The following XPO6 variants were observed in gnomAD, a reference collection of about 807,000 sequenced individuals.
XPO6 encodes exportin-6.
A neutral mutation model predicts 130.0 loss-of-function variants in XPO6; 3 were observed. The observed-to-expected ratio is 0.02, with a 90% confidence interval of 0.01 to 0.06. The LOEUF (loss-of-function observed/expected upper bound fraction) is 0.06, where lower values mean the gene tolerates loss of function less well. Among genes scored for constraint, XPO6 ranks in the 10% least tolerant of loss-of-function variants. The pLI is 1.00. For synonymous variants in XPO6, 524 were observed against 548.9 expected, an observed-to-expected ratio of 0.95 and a Z score of 0.63; for missense variants, 970 against 1,393.0, an observed-to-expected ratio of 0.70 and a Z score of 4.83.
intron 6 of XPO6, among the ~76,000 whole-genome samples, chr16:28,159,623 T>C (rs2043239425): frequency 1.3e-5 from 2 of 152,158 alleles, no homozygotes; most frequent in African/African-American, 2.4e-5. Context: ...TCAAATTACA[T>C]AGAGACTCAA....
intron 9 of XPO6, among the ~76,000 whole-genome samples, chr16:28,138,813 T>C (rs928624055): frequency 2.0e-5 from 3 of 152,128 alleles, no homozygotes; most frequent in African/African-American, 7.2e-5. Flanking sequence ...CCAGCATCCA[T>C]CTCTGACCAT....
chr16:28,199,928 G>A (rs567467988), intron 1 of XPO6, among the ~76,000 whole-genome samples: 20 of 152,096 alleles, frequency 1.3e-4, no homozygotes, highest in Middle Eastern at 3.4e-3. Flanking sequence ...AGGCCAAGGC[G>A]GTGGATTACC....
chr16:28,210,227 T>G (rs1341643907), intron 1 of XPO6, among the ~76,000 whole-genome samples: 1 of 152,164 alleles, frequency 6.6e-6, no homozygotes, highest in Non-Finnish European at 1.5e-5. Flanking sequence ...GGTTGTAAGC[T>G]CCATATCTCA....
chr16:28,144,877 T>A (rs1182682907), intron 9 of XPO6, among the ~76,000 whole-genome samples: 3 of 152,168 alleles, frequency 2.0e-5, no homozygotes, highest in Non-Finnish European at 4.4e-5. Context: ...TACCCCTAGG[T>A]AGGAACTACA....
Position 28,106,630 on chromosome 16 carries a change from A to G in XPO6, c.2498-133T>C. The G allele has an allele frequency of 1.5e-6, 1 of 689,506 alleles. No individual in the cohort carries two copies. Among genetic ancestry groups the G allele is most frequent in the Non-Finnish European group, 2.5e-6 (1 of 399,824 alleles). 42.7% of individuals were successfully genotyped at this position (689,506 alleles called of 1,614,324 possible). ...GCTTCCTGCTGGAAACATTTCCCCA[A>G]CACCATCAGGGCCAATGATGGAAAG... On this transcript the variant is annotated intron_variant, in intron 18 of 23. Coordinates refer to ENST00000304658, the MANE Select transcript of XPO6 (RefSeq NM_015171.4). This position sits in a 1 kb window ranked among gnomAD's most constrained non-coding sequence, Gnocchi z 4.2.
chr16:28,115,572 A>G (rs1232014181), intron 15 of XPO6, among the ~76,000 whole-genome samples: 1 of 152,254 alleles, frequency 6.6e-6, no homozygotes, highest in Non-Finnish European at 1.5e-5. Context: ...AGAGACAGGC[A>G]AAGTAGATTC....
At chr16:28,162,088 A>G (rs11074891) in intron 6 of XPO6, among the ~76,000 whole-genome samples, 63,995 of 152,100 alleles carry the variant, frequency 0.42, 15,670 homozygotes, top group African/African-American at 0.69. Context: ...ATGCAAAGGC[A>G]AAAACTGTTT....
intron 18 of XPO6, 142 bp downstream of exon 18, chr16:28,107,380 C>T: frequency 9.9e-7 from 1 of 1,010,290 alleles, no homozygotes. Flanking sequence ...CATCACTGCC[C>T]TTTCCCCTCA....
At chr16:28,165,550 T>A (rs566211297) in intron 6 of XPO6, 3 of 152,336 alleles carry the variant, frequency 2.0e-5, no homozygotes, top group Admixed American at 6.5e-5. Flanking sequence ...TAATAATTAG[T>A]GCACTATGAG....
chr16:28,104,181 G>A (rs1225390028), intron 21 of XPO6, among the ~76,000 whole-genome samples: 2 of 152,174 alleles, frequency 1.3e-5, no homozygotes, highest in East Asian at 1.9e-4. Flanking sequence ...GCCCTCCTGC[G>A]GAGACTCATA....
At chr16:28,147,963 G>T (rs898939046) in intron 8 of XPO6, among the ~76,000 whole-genome samples, 11 of 152,156 alleles carry the variant, frequency 7.2e-5, no homozygotes, top group Admixed American at 6.5e-4. Context: ...AAGAAGAAAT[G>T]ATATGAGTAG....
intron 6 of XPO6, among the ~76,000 whole-genome samples, chr16:28,165,045 C>T (rs540980476): frequency 1.5e-3 from 221 of 152,092 alleles, no homozygotes; most frequent in Non-Finnish European, 2.5e-3. Context: ...GGCGAAACCC[C>T]GTCTCTACAA....
chr16:28,193,490 A>G (rs1256338911), intron 1 of XPO6, among the ~76,000 whole-genome samples: 1 of 152,114 alleles, frequency 6.6e-6, no homozygotes, highest in African/African-American at 2.4e-5. Context: ...AATAAACTAA[A>G]ACTTGTACAA....
intron 1 of XPO6, among the ~76,000 whole-genome samples, chr16:28,181,657 T>G (rs1293849086): frequency 6.6e-6 from 1 of 152,028 alleles, no homozygotes; most frequent in Non-Finnish European, 1.5e-5. Context: ...GGACTACAAG[T>G]GTGAGTCATT....
chr16:28,172,947 T>C (rs968064096), intron 4 of XPO6: 14 of 152,096 alleles, frequency 9.2e-5, no homozygotes, highest in African/African-American at 3.1e-4. Context: ...CAACCACAGA[T>C]AGAACATAAT....
chr16:28,156,358 A>G lies in XPO6; in HGVS notation c.813T>C (p.Leu271=), dbSNP rs376176261. 5 of 1,613,892 alleles carry G rather than the reference A, an allele frequency of 3.1e-6. No homozygotes were observed. The highest frequency in any genetic ancestry group is 3.3e-4 in the Middle Eastern group (2 of 6,084). Residue 271 remains leucine (L), a synonymous_variant, in exon 7 of 24, where the codon CTT becomes CTC. Transcript: ENST00000304658. ...ATCGTGCAAAGTGGAAGATGGTGGT[A>G]AGGAGGGATGGGGTGATGCTGGCAG... The part of the protein sequence containing the change: ...PLSASITPSL[L]TTIFHFARFG...
At chr16:28,169,985 A>G (rs28479048) in intron 4 of XPO6, 76 bp from the exon 5 acceptor site, 1,549,163 of 1,550,402 alleles carry the variant, frequency 1, 773,983 homozygotes, top group East Asian at 1. Context: ...CATTAAAGCT[A>G]TGAAGCATCT....
At chr16:28,154,891 A>G (rs1211810925) in intron 7 of XPO6, among the ~76,000 whole-genome samples, 2 of 152,248 alleles carry the variant, frequency 1.3e-5, no homozygotes. Flanking sequence ...TTTCTTAACC[A>G]CAGACAGAAA....
At chr16:28,108,448 C>A (rs988868495) in intron 17 of XPO6, among the ~76,000 whole-genome samples, 1 of 152,066 alleles carries the variant, frequency 6.6e-6, no homozygotes, top group Admixed American at 6.5e-5. Flanking sequence ...CTGGGAGAGC[C>A]GACAACCCCA....
Sources: allele counts gnomAD v4.1 joint callset (sites outside exome capture counted in the v4.1 genomes callset), GRCh38; gene constraint gnomAD v4.1.1; non-coding constraint Gnocchi (gnomAD v3.1); transcripts MANE v1.5; gene names NCBI Gene and HGNC (gene_info 2026-07-23, HGNC 2026-07-21).